ABCA6: variants seen among roughly 807,000 people sequenced by gnomAD.
The protein encoded by ABCA6 is ATP-binding cassette sub-family A member 6.
ABCA6 carries 164 observed loss-of-function variants against 191.2 expected under a neutral mutation model. The observed-to-expected ratio is 0.86, with a 90% CI of 0.76 to 0.98. The LOEUF (loss-of-function observed/expected upper bound fraction) is 0.98, where lower values mean the gene tolerates loss of function less well. Among genes scored for constraint, ABCA6 ranks in the 50% least tolerant of loss-of-function variants. The pLI is 0.00. For missense variants in ABCA6, 1,958 were observed against 1,894.1 expected (o/e 1.03, Z -0.63); for synonymous variants, 636 against 647.7 (o/e 0.98, Z 0.27).
In ABCA6 at chr17:69,091,149, C is replaced by T. The variant is rs371849049; in HGVS notation, c.3522G>A (p.Leu1174=). Residue 1174 remains leucine, a synonymous_variant, in exon 26 of 39, where the codon TTG becomes TTA. Transcript: ENST00000284425. ...SYTLLGFKTF[L]EVRDQEHYRE... ...AGTTGGTAACATTTCTTACCACTTCCAAAAAAGTTTTAAATCCAAGCAAGG... is the reference window on the plus strand; with the variant it reads ...AGTTGGTAACATTTCTTACCACTTCTAAAAAAGTTTTAAATCCAAGCAAGG... 1 of 1,606,372 alleles carries T rather than the reference C, an allele frequency of 6.2e-7. No homozygotes were observed. Among genetic ancestry groups the T allele is most frequent in the African/African-American group, 1.3e-5 (1 of 74,558 alleles).
intron 20 of ABCA6, chr17:69,105,180 A>T (rs2073268525): frequency 2.9e-6 from 1 of 342,542 alleles, no homozygotes; most frequent in Non-Finnish European, 5.2e-6. Context: ...GTGCCAATAT[A>T]GAAGTTTATT....
intron 2 of ABCA6, among the ~76,000 whole-genome samples, chr17:69,138,840 T>C (rs1015734636): frequency 9.3e-5 from 14 of 151,110 alleles, no homozygotes; most frequent in African/African-American, 2.7e-4. Flanking sequence ...AAACAAGCAA[T>C]GGGGAAAGGA....
intron 10 of ABCA6, among the ~76,000 whole-genome samples, chr17:69,118,931 C>G (rs561632843): frequency 3.4e-4 from 52 of 152,124 alleles, no homozygotes; most frequent in African/African-American, 1.1e-3. Flanking sequence ...CTCTCTGTCT[C>G]TCTCACACAC....
intron 24 of ABCA6, 56 bp from the exon 25 acceptor site, chr17:69,096,409 A>T: frequency 9.5e-7 from 1 of 1,047,818 alleles, no homozygotes. Context: ...CTGAGGGAAA[A>T]ATTAGATTAC....
intron 9 of ABCA6, among the ~76,000 whole-genome samples, chr17:69,123,722 TTGGACTC>T (rs2073695263): frequency 6.6e-6 from 1 of 151,986 alleles, no homozygotes; most frequent in Non-Finnish European, 1.5e-5. Flanking sequence ...ACCAGCTGAG[TTGGACTC>T]CAGCTTTTCC....
chr17:69,139,597 G>C (rs147946178), intron 2 of ABCA6, among the ~76,000 whole-genome samples: 1,716 of 152,182 alleles, frequency 0.011, 14 homozygotes, highest in Non-Finnish European at 0.017. Context: ...TCATTACTGG[G>C]TATATACCCA....
In ABCA6 at chr17:69,123,398, T is replaced by C. The variant is rs779453616; in HGVS notation, c.1277A>G (p.Glu426Gly). ...GAAAAATAAAGGAGAATAATGGCGC[T>C]CATCTCCATCTAATTAACCAAGAGG... ...YFDKILPYGD[E>G]RHYSPLFFLN... The change falls in exon 10 of 39, where the codon GAG becomes GGG. Residue 426 changes from glutamate to glycine, a missense_variant. Physicochemically the swap from Glu to Gly is moderately conservative, Grantham distance 98 (BLOSUM62 -2). Transcript: ENST00000284425. 8.8e-6 allele frequency: 13 copies of C among 1,485,686 alleles called. No individual in the cohort carries two copies. The South Asian group carries it at 1.7e-4, about 20-fold the overall frequency. The allele number at this position is 1,485,686 out of a possible 1,614,324, so 92.0% of individuals were successfully genotyped here. A position where few individuals can be genotyped will look rare whatever the true frequency, so the allele number is the denominator to read the frequency against.
At chr17:69,087,240 A>G (rs2091744556) in intron 29 of ABCA6, 113 bp downstream of exon 29, 1 of 1,378,946 alleles carries the variant, frequency 7.3e-7, no homozygotes, top group Non-Finnish European at 9.9e-7. Context: ...GACGCATAAT[A>G]CAGAAATGCA....
rs2072830101 is a variant in ABCA6 at position 69,087,574 on chromosome 17, T to C, written c.3699-101A>G. 2.7e-6 allele frequency: 4 copies of C among 1,467,684 alleles called. No individual in the cohort carries two copies. In the African/African-American group the frequency reaches 5.6e-5, roughly 21 times the overall value. The allele number at this position is 1,467,684 out of a possible 1,614,324, so 90.9% of individuals were successfully genotyped here. ...ATTTTACTACTGTCCTCTTCTCTAA[T>C]GTGCAGGTGATGATGTGATGATGAC... On this transcript the variant is annotated intron_variant, in intron 28 of 38. Coordinates refer to ENST00000284425, the MANE Select transcript of ABCA6 (RefSeq NM_080284.3).
At chr17:69,084,561 C>A in intron 32 of ABCA6, 54 bp from the exon 33 acceptor site, 1 of 1,524,322 alleles carries the variant, frequency 6.6e-7, no homozygotes, top group Non-Finnish European at 9.1e-7. Flanking sequence ...TTGGAAAATC[C>A]AAGCACACAG....
chr17:69,124,936 C>T lies in ABCA6; in HGVS notation c.1219G>A (p.Gly407Ser). ...AATGCCAATAGCAAGTAGATGAGAC[C>T]ATCCAAAAGCAACATAGAAAAAGTT... ...IATFSMLLLD[G>S]LIYLLLALYF... Residue 407 changes from glycine to serine, a missense_variant, in exon 9 of 39, where the codon GGT becomes AGT. Coordinates refer to ENST00000284425, the MANE Select transcript of ABCA6 (RefSeq NM_080284.3). 1 of 1,574,128 alleles carries T rather than the reference C, an allele frequency of 6.4e-7. No individual in the cohort carries two copies. The highest frequency in any genetic ancestry group is 8.6e-7 in the Non-Finnish European group (1 of 1,160,042).
chr17:69,118,828 T>C (rs954708800), intron 10 of ABCA6, among the ~76,000 whole-genome samples: 1 of 152,020 alleles, frequency 6.6e-6, no homozygotes, highest in South Asian at 2.1e-4. Flanking sequence ...TCTCGTTGGA[T>C]TTTTTGTTTT....
At chr17:69,130,281 C>T (rs183461937) in intron 6 of ABCA6, among the ~76,000 whole-genome samples, 5 of 151,356 alleles carry the variant, frequency 3.3e-5, no homozygotes, top group East Asian at 1.9e-4. Context: ...CATGCCACTG[C>T]GCTCCAGTCT....
chr17:69,107,164 A>G (rs986655624), intron 18 of ABCA6, among the ~76,000 whole-genome samples: 3 of 152,146 alleles, frequency 2.0e-5, no homozygotes, highest in African/African-American at 7.2e-5. Context: ...ACCAGTGCCA[A>G]TGACACTTCT....
At position 69,123,277 on chromosome 17, in the gene ABCA6, T is replaced by C; in HGVS notation, c.1398A>G (p.Glu466=). ...TTCCTTGGAATTCAGGAGCTACTGG[T>C]TCAAAATAATCATCAGAGGGATGCT... is the stretch of plus-strand genomic sequence containing the variant. The part of the protein sequence containing the change: ...DAEHPSDDYF[E]PVAPEFQGKE... Residue 466 remains glutamate, a synonymous_variant, in exon 10 of 39, where the codon GAA becomes GAG. Transcript: ENST00000284425. 1 of 1,528,544 alleles carries C rather than the reference T, an allele frequency of 6.5e-7. No individual in the cohort carries two copies. The highest frequency in any genetic ancestry group is 8.9e-7 in the Non-Finnish European group (1 of 1,129,066). 94.7% of individuals were successfully genotyped at this position (1,528,544 alleles called of 1,614,324 possible).
At chr17:69,112,884 A>C (rs556476356) in intron 15 of ABCA6, 36 of 161,678 alleles carry the variant, frequency 2.2e-4, no homozygotes, top group Middle Eastern at 2.9e-3. Context: ...GAAAAAAAAA[A>C]CACATAAATT....
intron 6 of ABCA6, among the ~76,000 whole-genome samples, chr17:69,130,522 T>A (rs1348582647): frequency 2.0e-5 from 3 of 152,196 alleles, no homozygotes; most frequent in Non-Finnish European, 4.4e-5. Context: ...TATTATACAC[T>A]GCTGTATAAT....
At chr17:69,090,214 G>A (rs545539379) in intron 26 of ABCA6, among the ~76,000 whole-genome samples, 9 of 152,242 alleles carry the variant, frequency 5.9e-5, no homozygotes, top group East Asian at 1.9e-4. Flanking sequence ...TTTCCAGTTC[G>A]CCAAGGACAC....
rs746386166 is a variant in ABCA6, at chr17:69,106,200, C to T, written c.2401G>A (p.Val801Met). 2.0e-5 allele frequency: 33 copies of T among 1,611,324 alleles called. No individual in the cohort carries two copies. The highest frequency in any genetic ancestry group is 2.8e-5 in the Non-Finnish European group (33 of 1,179,042). Reference protein sequence around the residue: ...QSTIEQDFEQVEMIRDSESLN... With the variant: ...QSTIEQDFEQMEMIRDSESLN... ...CTTTCTGAGTCTCTTATCATCTCCA[C>T]TTGTTCGAAATCTATAAACACACAC... The change falls in exon 19 of 39, where the codon GTG (valine) becomes ATG (methionine). Residue 801 changes from valine to methionine, a missense_variant. Physicochemically the swap from Val to Met is conservative, Grantham distance 21. Transcript: ENST00000284425.
Sources: allele counts gnomAD v4.1 joint callset (sites outside exome capture counted in the v4.1 genomes callset), GRCh38; gene constraint gnomAD v4.1.1; transcripts MANE v1.5; gene names NCBI Gene and HGNC (gene_info 2026-07-23, HGNC 2026-07-21).